Variants in RBFOX1 observed in about 807,000 individuals in gnomAD.
RBFOX1 encodes the protein RNA binding protein fox-1 homolog 1.
RBFOX1 carries 8 observed loss-of-function variants against 57.7 expected under a neutral mutation model. That is an observed-to-expected ratio of 0.14 (90% CI 0.08 to 0.25). The LOEUF is 0.25. RBFOX1 is among the 10% of genes least tolerant of loss of function. RBFOX1 has a pLI of 1.00. For synonymous variants in RBFOX1, 326 were observed against 222.4 expected, an observed-to-expected ratio of 1.47 and a Z score of -4.15; for missense variants, 611 against 548.5, an observed-to-expected ratio of 1.11 and a Z score of -1.14.
chr16:6,379,729 G>A (rs1225077365), intron 2 of RBFOX1, among the ~76,000 whole-genome samples: 1 of 151,974 alleles, frequency 6.6e-6, no homozygotes, highest in East Asian at 1.9e-4. Flanking sequence ...ATGATGGTGG[G>A]AATATGCCAG....
chr16:6,237,990 C>A (rs1359066891), intron 1 of RBFOX1, among the ~76,000 whole-genome samples: 1 of 148,746 alleles, frequency 6.7e-6, no homozygotes, highest in East Asian at 2.0e-4. Flanking sequence ...ACTCGGGAGG[C>A]TGAGGCAGGA....
intron 3 of RBFOX1, among the ~76,000 whole-genome samples, chr16:6,832,502 A>G (rs972190566): frequency 1.3e-5 from 2 of 152,214 alleles, no homozygotes; most frequent in Non-Finnish European, 2.9e-5. Flanking sequence ...ATTGGGTATT[A>G]TCTTGAGATG....
chr16:6,646,098 ACT>A (rs201407130), intron 2 of RBFOX1, among the ~76,000 whole-genome samples: 2,852 of 87,848 alleles, frequency 0.032, 188 homozygotes, highest in East Asian at 0.3. Context: ...CATACTTAAC[ACT>A]TTTAAGTAGT....
At chr16:7,191,666 G>A (rs914041591) in intron 4 of RBFOX1, among the ~76,000 whole-genome samples, 3 of 152,164 alleles carry the variant, frequency 2.0e-5, no homozygotes, top group African/African-American at 4.8e-5. Context: ...GCGTGTTTCC[G>A]TCAGAAGGGC....
chr16:7,092,874 A>C (rs544411654), intron 4 of RBFOX1, among the ~76,000 whole-genome samples: 17 of 152,174 alleles, frequency 1.1e-4, no homozygotes, highest in African/African-American at 4.1e-4. Context: ...TTTCACAGTG[A>C]TTCTTCTTTC....
rs1024952025 is a variant in RBFOX1, at chr16:7,002,073, G to A, written c.-15-49984G>A. On this transcript the variant is annotated intron_variant, in intron 3 of 15. Transcript: ENST00000550418. Reference sequence around the variant, plus strand: ...GTGGACCACCGAGAGATTCCTGGGGGACTTTGCTCTTAGACGCTATGGAGA... The same window carrying A: ...GTGGACCACCGAGAGATTCCTGGGGAACTTTGCTCTTAGACGCTATGGAGA... Among the ~76,000 whole-genome samples, 16 of 151,928 alleles carry A rather than the reference G, an allele frequency of 1.1e-4. 1 individual carries two copies. Among genetic ancestry groups the A allele is most frequent in the Admixed American group, 7.2e-4 (11 of 15,234 alleles).
At chr16:5,336,689 G>A (rs78065784) in intron 1 of RBFOX1, among the ~76,000 whole-genome samples, 412 of 152,290 alleles carry the variant, frequency 2.7e-3, no homozygotes, top group African/African-American at 9.5e-3. Flanking sequence ...AAAGAAGAGA[G>A]TGGTCCTTCT....
chr16:5,596,160 G>T (rs1479693837), intron 2 of RBFOX1, among the ~76,000 whole-genome samples: 1 of 152,170 alleles, frequency 6.6e-6, no homozygotes, highest in Non-Finnish European at 1.5e-5. Flanking sequence ...AGAGGAAGAA[G>T]GCTCTGCAGG....
intron 3 of RBFOX1, chr16:6,749,053 A>T (rs140673348): frequency 6.6e-6 from 1 of 152,198 alleles, no homozygotes; most frequent in African/African-American, 2.4e-5. Flanking sequence ...CAATCTGGGT[A>T]TTCATAAAAT....
intron 1 of RBFOX1, among the ~76,000 whole-genome samples, chr16:6,090,813 G>A (rs2096160533): frequency 6.6e-6 from 1 of 152,132 alleles, no homozygotes; most frequent in Admixed American, 6.5e-5. Flanking sequence ...TACAAATGTA[G>A]TCTATGGTGG....
At chr16:6,678,818 C>A (rs1213031430) in intron 3 of RBFOX1, among the ~76,000 whole-genome samples, 1 of 152,028 alleles carries the variant, frequency 6.6e-6, no homozygotes, top group Admixed American at 6.6e-5. Context: ...AGGCTTGTAA[C>A]ACGGTTCATC....
chr16:7,621,851 T>C (rs2059366177), intron 10 of RBFOX1, among the ~76,000 whole-genome samples: 2 of 152,180 alleles, frequency 1.3e-5, no homozygotes, highest in South Asian at 4.1e-4. Flanking sequence ...CACTTTAGCC[T>C]CTGCAGGCCA....
intron 3 of RBFOX1, among the ~76,000 whole-genome samples, chr16:7,044,284 C>T (rs769660009): frequency 2.0e-5 from 3 of 152,140 alleles, no homozygotes; most frequent in Non-Finnish European, 4.4e-5. Context: ...AGGAAAGCCA[C>T]CTAAGGCTCA....
chr16:6,684,784 T>G (rs2059180173), intron 3 of RBFOX1, among the ~76,000 whole-genome samples: 1 of 152,210 alleles, frequency 6.6e-6, no homozygotes, highest in Admixed American at 6.5e-5. Context: ...ACAGGAAAGT[T>G]TGGAGGAAAA....
chr16:7,043,123 C>T (rs963313706), intron 3 of RBFOX1, among the ~76,000 whole-genome samples: 4 of 147,544 alleles, frequency 2.7e-5, no homozygotes, highest in Admixed American at 2.0e-4. Flanking sequence ...GGGAGGTCCT[C>T]CCGCCCAACT....
At chr16:6,915,587 G>T (rs2072946453) in intron 3 of RBFOX1, among the ~76,000 whole-genome samples, 2 of 128,230 alleles carry the variant, frequency 1.6e-5, no homozygotes, top group Admixed American at 9.0e-5. Flanking sequence ...GTCTTGCTCT[G>T]TCACCCAGGC....
chr16:6,919,772 T>TTG (rs1475398506), intron 3 of RBFOX1, among the ~76,000 whole-genome samples: 1 of 150,356 alleles, frequency 6.7e-6, no homozygotes, highest in African/African-American at 2.5e-5. Context: ...GATCATTCTT[T>TTG]TTTTTTTTTT....
intron 2 of RBFOX1, among the ~76,000 whole-genome samples, chr16:5,568,913 T>A (rs1189144275): frequency 6.6e-6 from 1 of 152,154 alleles, no homozygotes; most frequent in Non-Finnish European, 1.5e-5. Context: ...CGATCTCAGA[T>A]CACTGCAACC....
chr16:5,493,896 C>G (rs2042915739), intron 2 of RBFOX1, among the ~76,000 whole-genome samples: 1 of 152,090 alleles, frequency 6.6e-6, no homozygotes, highest in African/African-American at 2.4e-5. Flanking sequence ...CACCCTGTCT[C>G]ATTTGTAGCT....
Sources: allele counts gnomAD v4.1 joint callset (sites outside exome capture counted in the v4.1 genomes callset), GRCh38; gene constraint gnomAD v4.1.1; transcripts MANE v1.5; gene names NCBI Gene and HGNC (gene_info 2026-07-23, HGNC 2026-07-21).